NCOA6: variants seen among roughly 807,000 people sequenced by gnomAD.
The protein encoded by NCOA6 is nuclear receptor coactivator 6.
NCOA6 carries 49 observed loss-of-function variants against 171.4 expected under a neutral mutation model. The observed-to-expected ratio is 0.29, with a 90% CI of 0.23 to 0.36. The LOEUF (loss-of-function observed/expected upper bound fraction) is 0.36. NCOA6 is among the 10% of genes least tolerant of loss of function. The probability of loss-of-function intolerance (pLI) is 1.00; values close to 1 mark genes in which losing one functional copy is unlikely to be tolerated. For missense variants in NCOA6, 2,248 were observed against 2,554.5 expected (o/e 0.88, Z 2.59); for synonymous variants, 910 against 927.5 (o/e 0.98, Z 0.34).
intron 1 of NCOA6, among the ~76,000 whole-genome samples, chr20:34,800,918 C>T (rs2078234911): frequency 6.6e-6 from 1 of 152,182 alleles, no homozygotes; most frequent in Non-Finnish European, 1.5e-5. Context: ...CCACATTCTT[C>T]TCCTCAGCAC....
intron 9 of NCOA6, 91 bp from the exon 10 acceptor site, chr20:34,747,019 GA>G: frequency 8.0e-7 from 1 of 1,251,522 alleles, no homozygotes; most frequent in Non-Finnish European, 1.0e-6. Flanking sequence ...CCCTATTTCT[GA>G]AGAACTAAAA....
At chr20:34,797,780 C>T (rs570592293) in intron 1 of NCOA6, among the ~76,000 whole-genome samples, 3 of 152,070 alleles carry the variant, frequency 2.0e-5, no homozygotes, top group Admixed American at 6.5e-5. Context: ...CCCAGCCACT[C>T]GGGAGGCTGA....
At chr20:34,792,223 G>T (rs1269742328) in intron 2 of NCOA6, among the ~76,000 whole-genome samples, 1 of 151,820 alleles carries the variant, frequency 6.6e-6, no homozygotes, top group Non-Finnish European at 1.5e-5. Context: ...GTCTTCTACA[G>T]TGAAACCTAA....
At chr20:34,815,026 A>C (rs6058120) in intron 1 of NCOA6, among the ~76,000 whole-genome samples, 4 of 152,126 alleles carry the variant, frequency 2.6e-5, no homozygotes, top group Admixed American at 2.6e-4. Context: ...ACCACAATTC[A>C]AATGAGTATT....
chr20:34,758,101 G>C lies in NCOA6; in HGVS notation c.647C>G (p.Ala216Gly), dbSNP rs758954278. Residue 216 changes from alanine to glycine, a missense_variant, in exon 7 of 15, where the codon GCA becomes GGA. Ala to Gly is a moderately conservative substitution (Grantham distance 60, BLOSUM62 0). Coordinates refer to ENST00000359003, the MANE Select transcript of NCOA6 (RefSeq NM_014071.5). ...RTPRPASQSD[A>G]MDPLLSGLHI... ...GAGCCCAGAGAGGAGTGGATCCATT[G>C]CATCTGTTTAAAGATAGTCAACAAA... is the stretch of plus-strand genomic sequence containing the variant. The C allele has an allele frequency of 2.5e-6, 4 of 1,606,146 alleles. No homozygotes were observed. Among genetic ancestry groups the C allele is most frequent in the East Asian group, 4.5e-5 (2 of 44,776 alleles).
At chr20:34,737,433 T>A (rs2075991539) in intron 11 of NCOA6, among the ~76,000 whole-genome samples, 1 of 152,248 alleles carries the variant, frequency 6.6e-6, no homozygotes, top group African/African-American at 2.4e-5. Context: ...GATATATACA[T>A]GTAGTGCACT....
intron 4 of NCOA6, among the ~76,000 whole-genome samples, chr20:34,773,455 TTTG>T (rs1260887559): frequency 2.0e-5 from 3 of 152,188 alleles, no homozygotes; most frequent in Admixed American, 6.5e-5. Context: ...TTCCTTCTTT[TTTG>T]TTGTTGTTGT....
At chr20:34,813,104 A>G (rs1013610233) in intron 1 of NCOA6, among the ~76,000 whole-genome samples, 1 of 151,470 alleles carries the variant, frequency 6.6e-6, no homozygotes, top group Non-Finnish European at 1.5e-5. Context: ...GGTTGCAGTG[A>G]GTCGAGATCA....
intron 1 of NCOA6, among the ~76,000 whole-genome samples, chr20:34,818,710 A>ATAACACAT (rs2078916027): frequency 6.6e-6 from 1 of 152,354 alleles, no homozygotes; most frequent in Non-Finnish European, 1.5e-5. Flanking sequence ...CTAGTATCCC[A>ATAACACAT]GCTCCATAAC....
At chr20:34,744,688 T>G (rs1034994652) in intron 10 of NCOA6, among the ~76,000 whole-genome samples, 1 of 152,232 alleles carries the variant, frequency 6.6e-6, no homozygotes. Flanking sequence ...CTTTTTTATT[T>G]TAGGCCCGAG....
At chr20:34,795,695 T>C (rs1011781075) in intron 1 of NCOA6, among the ~76,000 whole-genome samples, 16 of 152,240 alleles carry the variant, frequency 1.1e-4, no homozygotes, top group Non-Finnish European at 2.4e-4. Flanking sequence ...AGATCTGGTT[T>C]GAAGAAAACA....
Position 34,741,974 on chromosome 20 carries a change from G to T in NCOA6, c.4282C>A (p.Gln1428Lys), listed in dbSNP as rs1319138024. 1 of 1,614,132 alleles carries T rather than the reference G, an allele frequency of 6.2e-7. No individual in the cohort carries two copies. Among genetic ancestry groups the T allele is most frequent in the Non-Finnish European group, 8.5e-7 (1 of 1,180,024 alleles). The change falls in exon 11 of 15, where the codon CAG (glutamine) becomes AAG (lysine). Residue 1428 changes from glutamine to lysine, a missense_variant. Gln to Lys is a moderately conservative substitution (Grantham distance 53). Coordinates refer to ENST00000359003, the MANE Select transcript of NCOA6 (RefSeq NM_014071.5). ...TGTTCCTTCCTACTCTGGGAATTCTGGCAATCACTGTCCTGAGGCACATTC... is the reference window on the plus strand; with the variant it reads ...TGTTCCTTCCTACTCTGGGAATTCTTGCAATCACTGTCCTGAGGCACATTC... ...SLNVPQDSDC[Q>K]NSQSRKEQVN...
intron 13 of NCOA6, among the ~76,000 whole-genome samples, chr20:34,732,002 T>C (rs748428010): frequency 3.3e-5 from 5 of 152,168 alleles, no homozygotes; most frequent in Admixed American, 6.5e-5. Context: ...GCCTGGGTGA[T>C]AGAGCAAGAC....
rs71196760 is a variant in NCOA6 at position 34,752,914 on chromosome 20, CAAA to C, written c.1675+1805_1675+1807del. Among the ~76,000 whole-genome samples the C allele has an allele frequency of 8.4e-5, 10 of 119,056 alleles. No homozygotes were observed. In the East Asian group the frequency reaches 1.7e-3, roughly 20 times the overall value. The allele number at this position is 119,056 out of a possible 152,430, so 78.1% of individuals were successfully genotyped here. A position where few individuals can be genotyped will look rare whatever the true frequency, so the allele number is the denominator to read the frequency against. On this transcript the variant is annotated intron_variant, in intron 8 of 14. Transcript: ENST00000359003. ...GGGCACAAGAGCAAAAACTCCATCT[CAAA>C]AAAAAAAAAAAACACACACAAAGAA...
chr20:34,762,640 G>A (rs973644720), intron 5 of NCOA6, among the ~76,000 whole-genome samples: 2 of 152,004 alleles, frequency 1.3e-5, no homozygotes, highest in African/African-American at 2.4e-5. Context: ...CTGACTTAAA[G>A]TTTAAAGACA....
rs138035779 is a variant in NCOA6, at chr20:34,759,746, C to A, written c.515-813G>T. Reference sequence around the variant, plus strand: ...TTTTTCCTTTATTCTTATAATTTTGCAATGTTGTGTATTTGTCATGAATTC... The same window carrying A: ...TTTTTCCTTTATTCTTATAATTTTGAAATGTTGTGTATTTGTCATGAATTC... On this transcript the variant is annotated intron_variant, in intron 5 of 14. Coordinates refer to ENST00000359003, the MANE Select transcript of NCOA6 (RefSeq NM_014071.5). Among the ~76,000 whole-genome samples the A allele has an allele frequency of 1.3e-3, 205 of 152,046 alleles. 1 individual carries two copies. The highest frequency in any genetic ancestry group is 2.3e-3 in the Non-Finnish European group (156 of 67,984).
chr20:34,750,158 T>A lies in NCOA6; in HGVS notation c.2037A>T (p.Pro679=). The change falls in exon 9 of 15, where the codon CCA becomes CCT. Residue 679 remains proline, a synonymous_variant. Transcript: ENST00000359003. ...CCTGCTGGGAAAGCATCTGCTTGGG[T>A]GGGGTCATCCTTTGGGGCGAGGGCC... The part of the protein sequence containing the change: ...NLGPSPQRMT[P]PKQMLSQQGP... 1.2e-6 allele frequency: 2 copies of A among 1,612,922 alleles called. No individual in the cohort carries two copies. The highest frequency in any genetic ancestry group is 8.5e-7 in the Non-Finnish European group (1 of 1,179,534).
At chr20:34,776,074 T>A (rs2077310588) in intron 4 of NCOA6, among the ~76,000 whole-genome samples, 1 of 151,912 alleles carries the variant, frequency 6.6e-6, no homozygotes. Flanking sequence ...AGGAATGGAG[T>A]CCAAGGCTAC....
Position 34,715,078 on chromosome 20 carries a change from A to G in NCOA6, c.*244T>C. 2.1e-6 allele frequency: 1 copy of G among 469,162 alleles called. No individual in the cohort carries two copies. Among genetic ancestry groups the G allele is most frequent in the Non-Finnish European group, 3.9e-6 (1 of 255,334 alleles). The allele number at this position is 469,162 out of a possible 1,614,324, so 29.1% of individuals were successfully genotyped here. The stretch of plus-strand genomic sequence containing the variant: ...GAAAACTAGTAACATTTATAATGGC[A>G]TTAGCTCCTTTCAATACAAGACAAC... On this transcript the variant is annotated 3_prime_UTR_variant, in exon 15 of 15. Coordinates refer to ENST00000359003, the MANE Select transcript of NCOA6 (RefSeq NM_014071.5).
Sources: gnomAD v4.1 joint callset for allele counts (sites outside exome capture counted in the v4.1 genomes callset) on GRCh38, gnomAD v4.1.1 for gene constraint, MANE v1.5 for transcripts, NCBI Gene and HGNC (gene_info 2026-07-23, HGNC 2026-07-21) for gene names.